The following EVI2B variants were observed in gnomAD, a reference collection of about 807,000 sequenced individuals.
EVI2B encodes protein EVI2B.
A neutral mutation model predicts 6.6 loss-of-function variants in EVI2B; 4 were observed. The observed-to-expected ratio is 0.61, with a 90% CI of 0.30 to 1.39. The LOEUF (loss-of-function observed/expected upper bound fraction) is 1.39, where lower values mean the gene tolerates loss of function less well. Among genes scored for constraint, EVI2B ranks in the 40% most tolerant of loss-of-function variants. The pLI is 0.08. For synonymous variants in EVI2B, 181 were observed against 186.8 expected, an observed-to-expected ratio of 0.97 and a Z score of 0.25; for missense variants, 484 against 516.6, an observed-to-expected ratio of 0.94 and a Z score of 0.61.
intron 1 of EVI2B, among the ~76,000 whole-genome samples, chr17:31,306,675 A>C (rs1006363937): frequency 1.3e-5 from 2 of 152,084 alleles, no homozygotes; most frequent in Admixed American, 1.3e-4. Flanking sequence ...AAAATCCTAG[A>C]GTGATCTCTG....
chr17:31,307,988 T>C, intron 1 of EVI2B: 1 of 1,152,046 alleles, frequency 8.7e-7, no homozygotes, highest in Non-Finnish European at 1.2e-6. Flanking sequence ...AGATATGTGA[T>C]TTTTTTCCCT....
Position 31,305,241 on chromosome 17 carries a change from G to T in EVI2B, c.369C>A (p.Thr123=). 1 of 1,614,182 alleles carries T rather than the reference G, an allele frequency of 6.2e-7. No homozygotes were observed. Among genetic ancestry groups the T allele is most frequent in the Non-Finnish European group, 8.5e-7 (1 of 1,180,030 alleles). Reference sequence around the variant, plus strand: ...GGGCAGATGGTAGTTGTCTGGCAGAGGTGAACACGGCTTGCTGGGAGGAGG... The same window carrying T: ...GGGCAGATGGTAGTTGTCTGGCAGATGTGAACACGGCTTGCTGGGAGGAGG... ...ANTSSQQAVF[T]SARQLPSART... is the part of the protein sequence containing the mutation. The change falls in exon 2 of 2, where the codon ACC becomes ACA. Residue 123 remains threonine (T), a synonymous_variant. Transcript: ENST00000330927.
chr17:31,312,999 ATAT>A (rs1164207111), intron 1 of EVI2B, among the ~76,000 whole-genome samples: 1 of 152,184 alleles, frequency 6.6e-6, no homozygotes, highest in Admixed American at 6.5e-5. Context: ...CACGTAGATG[ATAT>A]TAATATACGC....
At chr17:31,306,394 A>G (rs1444534508) in intron 1 of EVI2B, among the ~76,000 whole-genome samples, 1 of 152,070 alleles carries the variant, frequency 6.6e-6, no homozygotes, top group African/African-American at 2.4e-5. Flanking sequence ...CATATTTTAT[A>G]TATATAGATA....
At chr17:31,307,942 C>T (rs1567886588) in intron 1 of EVI2B, 2 of 1,287,358 alleles carry the variant, frequency 1.6e-6, no homozygotes, top group East Asian at 1.1e-4. Context: ...ACTTGGTACA[C>T]AGTGATGATA....
intron 1 of EVI2B, among the ~76,000 whole-genome samples, chr17:31,310,357 GA>G (rs201712643): frequency 1.1e-4 from 16 of 146,506 alleles, no homozygotes; most frequent in African/African-American, 2.0e-4. Flanking sequence ...ATAAACAGGT[GA>G]AAAAAAAAGC....
chr17:31,304,646 C>T lies in EVI2B; in HGVS notation c.964G>A (p.Asp322Asn), dbSNP rs768040881. 2 of 1,614,146 alleles carry T rather than the reference C, an allele frequency of 1.2e-6. No homozygotes were observed. The highest frequency in any genetic ancestry group is 8.5e-7 in the Non-Finnish European group (1 of 1,180,012). ...ACAGCAGTTCCAACTGTTGAACCAT[C>T]AGCACTATCTTCTGATGTACCATTT... The part of the protein sequence containing the change: ...QVNGTSEDSA[D>N]GSTVGTAVSS... The change falls in exon 2 of 2, where the codon GAT becomes AAT. Residue 322 changes from aspartate (D) to asparagine (N), a missense_variant. Physicochemically the swap from Asp to Asn is conservative, Grantham distance 23 (BLOSUM62 1). Coordinates refer to ENST00000330927, the MANE Select transcript of EVI2B (RefSeq NM_006495.4).
intron 1 of EVI2B, among the ~76,000 whole-genome samples, chr17:31,306,851 T>C (rs1318420839): frequency 6.6e-6 from 1 of 151,000 alleles, no homozygotes; most frequent in African/African-American, 2.4e-5. Flanking sequence ...ATTCTAGTGA[T>C]AGAAGCAAAC....
intron 1 of EVI2B, among the ~76,000 whole-genome samples, chr17:31,306,639 T>C (rs1335520861): frequency 6.6e-6 from 1 of 152,078 alleles, no homozygotes; most frequent in Admixed American, 6.6e-5. Context: ...TTTAAAGAAT[T>C]TCATTCAACT....
chr17:31,304,208 A>G lies in EVI2B; in HGVS notation c.*55T>C, dbSNP rs1053936322. 1.3e-6 allele frequency: 2 copies of G among 1,487,900 alleles called. No homozygotes were observed. The highest frequency in any genetic ancestry group is 1.4e-5 in the South Asian group (1 of 73,626). 92.2% of individuals were successfully genotyped at this position (1,487,900 alleles called of 1,614,324 possible). A position where few individuals can be genotyped will look rare whatever the true frequency, so the allele number is the denominator to read the frequency against. ...GCCATTTTATATATGTTAACATATA[A>G]AGAAAAAAGAGTCATTTGAGGATGG... On this transcript the variant is annotated 3_prime_UTR_variant, in exon 2 of 2. Transcript: ENST00000330927.
rs953419597 is a variant in EVI2B, at chr17:31,308,016, C to A, written c.-21-2386G>T. 1.0e-5 allele frequency: 9 copies of A among 896,838 alleles called. 1 individual carries two copies. The South Asian group carries it at 1.3e-4, about 13-fold the overall frequency. 55.6% of individuals were successfully genotyped at this position (896,838 alleles called of 1,614,324 possible). A position where few individuals can be genotyped will look rare whatever the true frequency, so the allele number is the denominator to read the frequency against. Reference sequence around the variant, plus strand: ...TTTTCCCTATACGAATAATTCAAGCCTGAATTTTAAAACAGTTCTCCTTTG... The same window carrying A: ...TTTTCCCTATACGAATAATTCAAGCATGAATTTTAAAACAGTTCTCCTTTG... On this transcript the variant is annotated intron_variant, in intron 1 of 1. Coordinates refer to ENST00000330927, the MANE Select transcript of EVI2B (RefSeq NM_006495.4).
At chr17:31,308,260 C>T (rs899027865) in intron 1 of EVI2B, among the ~76,000 whole-genome samples, 1 of 151,960 alleles carries the variant, frequency 6.6e-6, no homozygotes, top group African/African-American at 2.4e-5. Context: ...GCCTCATCCT[C>T]CCGAGTAGCT....
intron 1 of EVI2B, among the ~76,000 whole-genome samples, chr17:31,312,521 A>G (rs2151518601): frequency 6.6e-6 from 1 of 150,832 alleles, no homozygotes; most frequent in African/African-American, 2.4e-5. Flanking sequence ...TCCATCTCAA[A>G]AAAAAAAAAA....
chr17:31,308,631 T>TC (rs1449294136), intron 1 of EVI2B, among the ~76,000 whole-genome samples: 129 of 108,662 alleles, frequency 1.2e-3, no homozygotes, highest in Middle Eastern at 5.4e-3. Flanking sequence ...TTCTCAAGGG[T>TC]GTTCTTTTTT....
Position 31,305,281 on chromosome 17 carries a change from G to A in EVI2B, c.329C>T (p.Thr110Ile). ...QPLAYNTKQP[T>I]PIANTSSQQA... ...CTGGGAGGAGGTGTTGGCTATTGGT[G>A]TTGGTTGTTTGGTGTTGTAGGCAAG... The change falls in exon 2 of 2, where the codon ACA (threonine) becomes ATA (isoleucine). Residue 110 changes from threonine to isoleucine, a missense_variant. Coordinates refer to ENST00000330927, the MANE Select transcript of EVI2B (RefSeq NM_006495.4). 1 of 1,614,132 alleles carries A rather than the reference G, an allele frequency of 6.2e-7. No homozygotes were observed. Among genetic ancestry groups the A allele is most frequent in the East Asian group, 2.2e-5 (1 of 44,880 alleles).
In EVI2B at chr17:31,304,299, A is replaced by G; in HGVS notation, c.1311T>C (p.Asn437=). The G allele has an allele frequency of 6.2e-7, 1 of 1,613,388 alleles. No individual in the cohort carries two copies. The highest frequency in any genetic ancestry group is 8.5e-7 in the Non-Finnish European group (1 of 1,179,730). ...CTGCAGGTGGAGGTGGCAGGGATTCATTAAGATCTTGATCAGAGTTGGGAG... is the reference window on the plus strand; with the variant it reads ...CTGCAGGTGGAGGTGGCAGGGATTCGTTAAGATCTTGATCAGAGTTGGGAG... ...SIPPNSDQDL[N]ESLPPPPAEL... is the part of the protein sequence containing the mutation. Residue 437 remains asparagine, a synonymous_variant, in exon 2 of 2, where the codon AAT becomes AAC. Coordinates refer to ENST00000330927, the MANE Select transcript of EVI2B (RefSeq NM_006495.4).
rs778460751 is a variant in EVI2B at position 31,305,029 on chromosome 17, G to T, written c.581C>A (p.Thr194Asn). ...TGAATTATAATTGTTTTTTTGTGGG[G>T]TTTGTTTGTTACTGGTAGTATCTAA... is the stretch of plus-strand genomic sequence containing the variant. ...FILDTTSNKQ[T>N]PQKNNYNSIA... Residue 194 changes from threonine (T) to asparagine (N), a missense_variant, in exon 2 of 2, where the codon ACC becomes AAC. Coordinates refer to ENST00000330927, the MANE Select transcript of EVI2B (RefSeq NM_006495.4). The T allele has an allele frequency of 3.1e-6, 5 of 1,614,124 alleles. No individual in the cohort carries two copies. The Admixed American group carries it at 8.3e-5, about 27-fold the overall frequency.
Position 31,304,752 on chromosome 17 carries a change from G to A in EVI2B, c.858C>T (p.Asp286=), listed in dbSNP as rs1299445521. ...TTGATTCAAACAACTTAATTTCTAA[G>A]TCATCTGCTAAAAGTGTGCTTTTGC... ...KPSKSTLLAD[D]LEIKLFESSE... The change falls in exon 2 of 2, where the codon GAC becomes GAT. Residue 286 remains aspartate, a synonymous_variant. Coordinates refer to ENST00000330927, the MANE Select transcript of EVI2B (RefSeq NM_006495.4). 6.2e-7 allele frequency: 1 copy of A among 1,614,164 alleles called. No homozygotes were observed. The highest frequency in any genetic ancestry group is 1.3e-5 in the African/African-American group (1 of 75,046).
At position 31,304,565 on chromosome 17, in the gene EVI2B, C is replaced by G. The variant is rs145952526; in HGVS notation, c.1045G>C (p.Gly349Arg). The change falls in exon 2 of 2, where the codon GGA becomes CGA. Residue 349 changes from glycine (G) to arginine (R), a missense_variant. Gly to Arg is a moderately radical substitution (Grantham distance 125, BLOSUM62 -2). Coordinates refer to ENST00000330927, the MANE Select transcript of EVI2B (RefSeq NM_006495.4). ...TTGTCAGATTGGTTACTTTCCTGTC[C>G]TTCCAAATCCAGAAGGGGAGGTGGT... ...PPPPPLLDLE[G>R]QESNQSDKPT... 1.3e-5 allele frequency: 21 copies of G among 1,614,012 alleles called. No homozygotes were observed. The highest frequency in any genetic ancestry group is 1.8e-5 in the Non-Finnish European group (21 of 1,180,034).
Sources: gnomAD v4.1 joint callset for allele counts (sites outside exome capture counted in the v4.1 genomes callset) on GRCh38, gnomAD v4.1.1 for gene constraint, MANE v1.5 for transcripts, NCBI Gene and HGNC (gene_info 2026-07-23, HGNC 2026-07-21) for gene names.